The following NYAP2 variants were observed in gnomAD, a reference collection of about 807,000 sequenced individuals.
NYAP2 encodes the protein neuronal tyrosine-phosphorylated phosphoinositide-3-kinase adaptor 2, also known as neuronal tyrosine-phosphorylated phosphoinositide-3-kinase adapter 2.
Under a neutral mutation model 50.4 loss-of-function variants are expected in NYAP2, and 23 were observed. The ratio of observed to expected loss-of-function variants is 0.46; its 90% CI spans 0.33 to 0.65. The LOEUF is 0.65. Ranked by LOEUF, NYAP2 falls within the 30% of genes least tolerant of loss-of-function variation. The pLI is 0.02. For synonymous variants in NYAP2, 394 were observed against 365.2 expected, an observed-to-expected ratio of 1.08 and a Z score of -0.90; for missense variants, 885 against 861.0, an observed-to-expected ratio of 1.03 and a Z score of -0.35.
intron 4 of NYAP2, among the ~76,000 whole-genome samples, chr2:225,552,922 G>A (rs1389529135): frequency 2.0e-5 from 3 of 152,036 alleles, no homozygotes; most frequent in African/African-American, 7.3e-5. Flanking sequence ...TCCTGACCTC[G>A]TGATCCACCT....
intron 4 of NYAP2, among the ~76,000 whole-genome samples, chr2:225,528,966 A>G (rs1691203714): frequency 6.6e-6 from 1 of 152,224 alleles, no homozygotes; most frequent in Non-Finnish European, 1.5e-5. Flanking sequence ...AGGGCAGAAT[A>G]CTAAATGTAA....
chr2:225,420,244 A>G (rs1410318126), intron 3 of NYAP2, among the ~76,000 whole-genome samples: 1 of 152,124 alleles, frequency 6.6e-6, no homozygotes, highest in Non-Finnish European at 1.5e-5. Context: ...TTTTCAGGGA[A>G]TTACCCTGAA....
At chr2:225,448,910 G>T (rs551058567) in intron 3 of NYAP2, among the ~76,000 whole-genome samples, 83 of 152,266 alleles carry the variant, frequency 5.5e-4, no homozygotes, top group African/African-American at 1.9e-3. Flanking sequence ...ACCAACTCTG[G>T]TGAGCGAAAA....
chr2:225,619,249 G>T (rs1005902215), intron 5 of NYAP2, among the ~76,000 whole-genome samples: 7 of 152,232 alleles, frequency 4.6e-5, no homozygotes, highest in Non-Finnish European at 5.9e-5. Context: ...CAAATACATG[G>T]CATGGCCAAA....
intron 6 of NYAP2, among the ~76,000 whole-genome samples, chr2:225,639,074 G>A (rs1372054997): frequency 7.5e-6 from 1 of 132,898 alleles, no homozygotes; most frequent in African/African-American, 2.8e-5. Context: ...AAAAAAAAAA[G>A]TCTTGGGACT....
chr2:225,539,615 C>A (rs1691421815), intron 4 of NYAP2, among the ~76,000 whole-genome samples: 2 of 152,054 alleles, frequency 1.3e-5, no homozygotes, highest in Admixed American at 1.3e-4. Flanking sequence ...AGCTTATTTT[C>A]ATGTTTCTTG....
intron 3 of NYAP2, among the ~76,000 whole-genome samples, chr2:225,431,634 ACT>A (rs1209218399): frequency 2.7e-5 from 4 of 150,034 alleles, no homozygotes; most frequent in East Asian, 2.0e-4. Context: ...CTTCCTCTGA[ACT>A]CTCTCTCTCT....
intron 4 of NYAP2, among the ~76,000 whole-genome samples, chr2:225,575,657 G>A (rs184430144): frequency 2.4e-4 from 36 of 152,302 alleles, no homozygotes; most frequent in Non-Finnish European, 4.3e-4. Flanking sequence ...TTATGACTTA[G>A]TGGCTTGTTT....
intron 3 of NYAP2, among the ~76,000 whole-genome samples, chr2:225,457,472 G>A (rs1330857001): frequency 6.6e-6 from 1 of 151,958 alleles, no homozygotes; most frequent in Non-Finnish European, 1.5e-5. Context: ...GTCAAATAAA[G>A]GAACAAAAAG....
intron 3 of NYAP2, among the ~76,000 whole-genome samples, chr2:225,420,427 AT>A (rs1223915436): frequency 1.3e-5 from 2 of 152,064 alleles, no homozygotes; most frequent in Admixed American, 6.6e-5. Context: ...AATTTTTAAA[AT>A]TTTTTTATAG....
intron 4 of NYAP2, among the ~76,000 whole-genome samples, chr2:225,530,822 C>G (rs1384860519): frequency 6.6e-6 from 1 of 152,202 alleles, no homozygotes; most frequent in African/African-American, 2.4e-5. Flanking sequence ...CATGCAAGAG[C>G]CTAATTGGAT....
chr2:225,469,837 CTG>C (rs912088938), intron 3 of NYAP2, among the ~76,000 whole-genome samples: 3 of 152,004 alleles, frequency 2.0e-5, no homozygotes, highest in Non-Finnish European at 2.9e-5. Context: ...ACATCACACA[CTG>C]TGACCTGTCG....
chr2:225,551,016 A>G (rs1691664924), intron 4 of NYAP2, among the ~76,000 whole-genome samples: 1 of 152,240 alleles, frequency 6.6e-6, no homozygotes, highest in South Asian at 2.1e-4. Flanking sequence ...ATATGACTAC[A>G]GCCCATGCAG....
intron 3 of NYAP2, among the ~76,000 whole-genome samples, chr2:225,504,625 G>T (rs953132839): frequency 6.6e-6 from 1 of 152,094 alleles, no homozygotes; most frequent in Non-Finnish European, 1.5e-5. Flanking sequence ...TAAATAAGTT[G>T]GTTAGTTACA....
chr2:225,636,681 A>G (rs972084743), intron 6 of NYAP2, among the ~76,000 whole-genome samples: 3 of 152,144 alleles, frequency 2.0e-5, no homozygotes, highest in African/African-American at 7.2e-5. Flanking sequence ...TCTTGCATTG[A>G]CCAATAGAGT....
At chr2:225,697,215 T>C in the NYAP2 span, among the ~76,000 whole-genome samples, 2 of 151,940 alleles carry the variant, frequency 1.3e-5, no homozygotes, top group Admixed American at 1.3e-4. Context: ...CTGGAAGCAG[T>C]GGTTACTTGT....
the NYAP2 span, among the ~76,000 whole-genome samples, chr2:225,667,734 A>G: frequency 6.6e-6 from 1 of 152,234 alleles, no homozygotes; most frequent in African/African-American, 2.4e-5. Context: ...TGAATCTTCA[A>G]TGGATAGAAT....
chr2:225,410,022 T>G (rs1036979103), intron 3 of NYAP2, among the ~76,000 whole-genome samples: 6 of 152,136 alleles, frequency 3.9e-5, no homozygotes, highest in African/African-American at 1.4e-4. Flanking sequence ...TTAATACTTT[T>G]GCTTATCATC....
At chr2:225,690,501 A>G in the NYAP2 span, among the ~76,000 whole-genome samples, 1 of 152,098 alleles carries the variant, frequency 6.6e-6, no homozygotes, top group Non-Finnish European at 1.5e-5. Flanking sequence ...CTAGGGGGAA[A>G]GTTCTCAAAT....
Sources: allele counts gnomAD v4.1 joint callset (sites outside exome capture counted in the v4.1 genomes callset), GRCh38; gene constraint gnomAD v4.1.1; transcripts MANE v1.5; gene names NCBI Gene and HGNC (gene_info 2026-07-23, HGNC 2026-07-21).